Variants in ZNF609 observed in about 807,000 individuals in gnomAD.
The protein encoded by ZNF609 is zinc finger protein 609.
A neutral mutation model predicts 109.5 loss-of-function variants in ZNF609; 11 were observed. The ratio of observed to expected loss-of-function variants is 0.10; its 90% CI spans 0.06 to 0.17. ZNF609 has a LOEUF of 0.17. ZNF609 is among the 10% of genes least tolerant of loss of function. The probability of loss-of-function intolerance (pLI) is 1.00; values close to 1 mark genes in which losing one functional copy is unlikely to be tolerated. For missense variants in ZNF609, 1,559 were observed against 1,772.4 expected, an observed-to-expected ratio of 0.88 and a Z score of 2.16; for synonymous variants, 646 against 662.0, an observed-to-expected ratio of 0.98 and a Z score of 0.37.
At chr15:64,611,119 T>C (rs1468471938) in intron 2 of ZNF609, among the ~76,000 whole-genome samples, 1 of 152,088 alleles carries the variant, frequency 6.6e-6, no homozygotes, top group Non-Finnish European at 1.5e-5. Flanking sequence ...GTAAAAGAAG[T>C]GTATTCAGGA....
At chr15:64,553,102 T>C (rs1340316986) in intron 2 of ZNF609, among the ~76,000 whole-genome samples, 2 of 152,218 alleles carry the variant, frequency 1.3e-5, no homozygotes, top group African/African-American at 4.8e-5. Context: ...TTCTGGACTC[T>C]CTGATTTGTC....
At chr15:64,565,560 T>C (rs1339026000) in intron 2 of ZNF609, among the ~76,000 whole-genome samples, 1 of 152,196 alleles carries the variant, frequency 6.6e-6, no homozygotes, top group African/African-American at 2.4e-5. Flanking sequence ...TAAATGAATT[T>C]ATTGCCTTTA....
intron 1 of ZNF609, among the ~76,000 whole-genome samples, chr15:64,471,532 G>A (rs986966889): frequency 2.0e-5 from 3 of 152,146 alleles, no homozygotes; most frequent in African/African-American, 7.2e-5. Flanking sequence ...TGTTCCACTT[G>A]AATGTGAGAT....
intron 3 of ZNF609, among the ~76,000 whole-genome samples, chr15:64,652,108 C>A (rs1404936987): frequency 6.6e-6 from 1 of 152,122 alleles, no homozygotes. Flanking sequence ...GGTGCAATCG[C>A]AGCTCACTGC....
intron 3 of ZNF609, among the ~76,000 whole-genome samples, chr15:64,667,498 C>T (rs1285658797): frequency 2.6e-5 from 4 of 151,888 alleles, no homozygotes; most frequent in African/African-American, 4.8e-5. Context: ...CACCTGAGGT[C>T]GGGAGTTCGA....
At chr15:64,593,229 T>G in intron 2 of ZNF609, 1 of 1,538,260 alleles carries the variant, frequency 6.5e-7, no homozygotes, top group Non-Finnish European at 8.9e-7. Flanking sequence ...AGCAAAGTAG[T>G]CAGGAATCGA....
intron 2 of ZNF609, among the ~76,000 whole-genome samples, chr15:64,621,926 A>G (rs916943363): frequency 1.3e-5 from 2 of 152,004 alleles, no homozygotes; most frequent in African/African-American, 4.8e-5. Flanking sequence ...GGGTTTCACC[A>G]TGTTAGTCAG....
At chr15:64,517,527 A>G (rs962601960) in intron 2 of ZNF609, among the ~76,000 whole-genome samples, 6 of 152,192 alleles carry the variant, frequency 3.9e-5, no homozygotes, top group African/African-American at 1.4e-4. Flanking sequence ...CATCCAACAA[A>G]TAATTATTAA....
At chr15:64,575,519 C>T (rs1894936859) in intron 2 of ZNF609, among the ~76,000 whole-genome samples, 1 of 152,046 alleles carries the variant, frequency 6.6e-6, no homozygotes, top group Non-Finnish European at 1.5e-5. Context: ...ATCTTTTGGA[C>T]ACAGGATGGG....
At chr15:64,539,561 T>C (rs1458554609) in intron 2 of ZNF609, among the ~76,000 whole-genome samples, 3 of 151,460 alleles carry the variant, frequency 2.0e-5, no homozygotes, top group African/African-American at 7.3e-5. Context: ...TGGAGTGCAG[T>C]GGCACAATCT....
chr15:64,520,926 A>AG (rs1893882203), intron 2 of ZNF609, among the ~76,000 whole-genome samples: 1 of 152,192 alleles, frequency 6.6e-6, no homozygotes, highest in Non-Finnish European at 1.5e-5. Flanking sequence ...GGAGAGGCTC[A>AG]CCTGATTTTC....
At chr15:64,592,733 A>G (rs921197238) in intron 2 of ZNF609, among the ~76,000 whole-genome samples, 1 of 149,842 alleles carries the variant, frequency 6.7e-6, no homozygotes, top group African/African-American at 2.5e-5. Flanking sequence ...ACTGGCCAAC[A>G]TGATGAAACC....
intron 2 of ZNF609, among the ~76,000 whole-genome samples, chr15:64,527,506 T>G (rs994860135): frequency 7.9e-5 from 12 of 152,080 alleles, no homozygotes; most frequent in Non-Finnish European, 1.3e-4. Flanking sequence ...GTTATAGCAG[T>G]GACTCCCAAA....
chr15:64,616,035 C>A (rs531597664), intron 2 of ZNF609, among the ~76,000 whole-genome samples: 74 of 151,550 alleles, frequency 4.9e-4, no homozygotes, highest in Middle Eastern at 3.4e-3. Flanking sequence ...CTTTTTTTTT[C>A]AGATAGGGTC....
intron 2 of ZNF609, among the ~76,000 whole-genome samples, chr15:64,505,180 T>C (rs1263862403): frequency 3.9e-5 from 6 of 152,228 alleles, no homozygotes; most frequent in Non-Finnish European, 7.3e-5. Flanking sequence ...TATCCTGTTA[T>C]TTATAAAGAA....
intron 2 of ZNF609, among the ~76,000 whole-genome samples, chr15:64,601,678 A>G (rs1339557241): frequency 1.3e-5 from 2 of 152,190 alleles, no homozygotes; most frequent in Non-Finnish European, 2.9e-5. Flanking sequence ...CAGTGATCCT[A>G]TTGTCTAGAG....
intron 2 of ZNF609, among the ~76,000 whole-genome samples, chr15:64,555,836 G>A (rs1201048696): frequency 1.5e-5 from 2 of 137,486 alleles, no homozygotes; most frequent in African/African-American, 2.7e-5. Flanking sequence ...GCAGTGAGCC[G>A]AGATTGGGCC....
chr15:64,554,681 A>G (rs984957930), intron 2 of ZNF609, among the ~76,000 whole-genome samples: 1 of 152,182 alleles, frequency 6.6e-6, no homozygotes, highest in African/African-American at 2.4e-5. Flanking sequence ...GTCTCTTACT[A>G]TGGTGAATTA....
chr15:64,510,893 C>G (rs748782944), intron 2 of ZNF609, among the ~76,000 whole-genome samples: 19 of 151,068 alleles, frequency 1.3e-4, no homozygotes, highest in Non-Finnish European at 2.1e-4. Flanking sequence ...GGCATTAAAT[C>G]CTTTCTTGGG....
Sources: gnomAD v4.1 joint callset for allele counts (sites outside exome capture counted in the v4.1 genomes callset) on GRCh38, gnomAD v4.1.1 for gene constraint, MANE v1.5 for transcripts, NCBI Gene and HGNC (gene_info 2026-07-23, HGNC 2026-07-21) for gene names.